The following TMEM132D variants were observed in gnomAD, a reference collection of about 807,000 sequenced individuals.
TMEM132D encodes the protein mature OL transmembrane protein.
A neutral mutation model predicts 62.3 loss-of-function variants in TMEM132D; 21 were observed. The ratio of observed to expected loss-of-function variants is 0.34; its 90% CI spans 0.24 to 0.49. The LOEUF is 0.49. Ranked by LOEUF, TMEM132D falls within the 20% of genes least tolerant of loss-of-function variation. The pLI is 0.99. For missense variants in TMEM132D, 1,346 were observed against 1,402.8 expected, an observed-to-expected ratio of 0.96 and a Z score of 0.65; for synonymous variants, 621 against 575.6, an observed-to-expected ratio of 1.08 and a Z score of -1.13.
rs1593249766 is a variant in TMEM132D at position 129,071,995 on chromosome 12, C to T, written c.*1880G>A. The T allele has an allele frequency of 6.6e-6, 1 of 152,102 alleles. No individual in the cohort carries two copies. Among genetic ancestry groups the T allele is most frequent in the Admixed American group, 6.5e-5 (1 of 15,278 alleles). 9.4% of individuals were successfully genotyped at this position (152,102 alleles called of 1,614,324 possible). On this transcript the variant is annotated 3_prime_UTR_variant, in exon 9 of 9. Coordinates refer to ENST00000422113, the MANE Select transcript of TMEM132D (RefSeq NM_133448.3). ...ACAGGAGCAGGTGACTTACTGGCTGCAGAAACCTCAGTCTCAAGAGCACCA... is the reference window on the plus strand; with the variant it reads ...ACAGGAGCAGGTGACTTACTGGCTGTAGAAACCTCAGTCTCAAGAGCACCA...
intron 4 of TMEM132D, among the ~76,000 whole-genome samples, chr12:129,227,659 T>C (rs1007002699): frequency 2.0e-5 from 3 of 151,932 alleles, no homozygotes; most frequent in African/African-American, 7.3e-5. Context: ...GCAGGTTTGT[T>C]ACATAGGTAT....
intron 1 of TMEM132D, among the ~76,000 whole-genome samples, chr12:129,807,859 T>G (rs1872044094): frequency 6.6e-6 from 1 of 152,190 alleles, no homozygotes; most frequent in South Asian, 2.1e-4. Flanking sequence ...ATTTGTGCTA[T>G]CTGAGATGGC....
chr12:129,707,594 C>T (rs1881537258), intron 1 of TMEM132D, among the ~76,000 whole-genome samples: 1 of 152,256 alleles, frequency 6.6e-6, no homozygotes, highest in South Asian at 2.1e-4. Flanking sequence ...GTCCCCAATA[C>T]TTTTGGAAAG....
intron 4 of TMEM132D, among the ~76,000 whole-genome samples, chr12:129,263,144 C>T (rs1325022110): frequency 6.6e-6 from 1 of 152,184 alleles, no homozygotes; most frequent in Non-Finnish European, 1.5e-5. Context: ...ACAGAGCAAT[C>T]TCTCTGGGTC....
At chr12:129,433,704 G>A (rs1194482046) in intron 3 of TMEM132D, among the ~76,000 whole-genome samples, 2 of 152,142 alleles carry the variant, frequency 1.3e-5, no homozygotes, top group Admixed American at 6.5e-5. Flanking sequence ...AGAAGACCCT[G>A]GGTCTCCAAG....
intron 3 of TMEM132D, among the ~76,000 whole-genome samples, chr12:129,352,817 T>A (rs924030363): frequency 1.3e-5 from 2 of 151,922 alleles, no homozygotes; most frequent in African/African-American, 4.8e-5. Context: ...TTGGTGGGAG[T>A]ATAAATTAGT....
chr12:129,675,941 C>G (rs1273621715), intron 2 of TMEM132D, among the ~76,000 whole-genome samples: 1 of 152,214 alleles, frequency 6.6e-6, no homozygotes, highest in Non-Finnish European at 1.5e-5. Context: ...CAAACTCGGG[C>G]TCTCTTAACA....
At chr12:129,859,644 A>G (rs1165391531) in intron 1 of TMEM132D, among the ~76,000 whole-genome samples, 1 of 152,172 alleles carries the variant, frequency 6.6e-6, no homozygotes, top group Non-Finnish European at 1.5e-5. Flanking sequence ...CGCGGCTAGA[A>G]AAAAGCAGGC....
intron 2 of TMEM132D, among the ~76,000 whole-genome samples, chr12:129,612,540 T>G (rs535778129): frequency 6.6e-6 from 1 of 152,340 alleles, no homozygotes; most frequent in South Asian, 2.1e-4. Context: ...GACTTACTCT[T>G]ACAGGCTTAA....
intron 3 of TMEM132D, among the ~76,000 whole-genome samples, chr12:129,450,146 C>G (rs1266167173): frequency 6.6e-6 from 1 of 152,112 alleles, no homozygotes; most frequent in Non-Finnish European, 1.5e-5. Context: ...CATTTTCTCC[C>G]ATTCTGTAGG....
chr12:129,770,291 A>G (rs1387337702), intron 1 of TMEM132D, among the ~76,000 whole-genome samples: 1 of 151,488 alleles, frequency 6.6e-6, no homozygotes, highest in Admixed American at 6.6e-5. Flanking sequence ...TTACAGGCAC[A>G]TGCCACCACA....
intron 3 of TMEM132D, among the ~76,000 whole-genome samples, chr12:129,357,069 A>T (rs1345772609): frequency 1.3e-5 from 2 of 150,956 alleles, no homozygotes; most frequent in Non-Finnish European, 2.9e-5. Context: ...ACACAGTGAA[A>T]CCCCGTCTCT....
chr12:129,814,211 G>A (rs1388630679), intron 1 of TMEM132D, among the ~76,000 whole-genome samples: 1 of 152,184 alleles, frequency 6.6e-6, no homozygotes, highest in Non-Finnish European at 1.5e-5. Context: ...CCAGGAAGGG[G>A]TGAGAAACTG....
chr12:129,178,302 G>A (rs568784309), intron 5 of TMEM132D, among the ~76,000 whole-genome samples: 5 of 152,226 alleles, frequency 3.3e-5, no homozygotes, highest in Admixed American at 6.5e-5. Flanking sequence ...TGGGATTGCT[G>A]GGTCAAATGG....
chr12:129,485,245 C>T (rs114305022), intron 3 of TMEM132D, among the ~76,000 whole-genome samples: 87 of 152,298 alleles, frequency 5.7e-4, no homozygotes, highest in Middle Eastern at 3.4e-3. Context: ...GACAACCCAA[C>T]AGGAGATGAG....
chr12:129,800,528 T>C (rs1436896979), intron 1 of TMEM132D, among the ~76,000 whole-genome samples: 2 of 152,130 alleles, frequency 1.3e-5, no homozygotes, highest in Non-Finnish European at 2.9e-5. Context: ...TGTGTCTCTA[T>C]TAGTGTTACA....
At chr12:129,316,626 G>C (rs1450624528) in intron 4 of TMEM132D, among the ~76,000 whole-genome samples, 2 of 152,142 alleles carry the variant, frequency 1.3e-5, no homozygotes, top group Non-Finnish European at 2.9e-5. Context: ...TTCTGCGGTT[G>C]TTGGGTGAGA....
chr12:129,297,293 C>T (rs1881602140), intron 4 of TMEM132D, among the ~76,000 whole-genome samples: 1 of 152,222 alleles, frequency 6.6e-6, no homozygotes, highest in African/African-American at 2.4e-5. Flanking sequence ...TTCTCTCATC[C>T]TGACCCCCAC....
At chr12:129,637,713 T>C (rs926530460) in intron 2 of TMEM132D, among the ~76,000 whole-genome samples, 3 of 152,308 alleles carry the variant, frequency 2.0e-5, no homozygotes, top group African/African-American at 4.8e-5. Context: ...GGAAGCATGA[T>C]GCTGGCATCT....
Sources: gnomAD v4.1 joint callset for allele counts (sites outside exome capture counted in the v4.1 genomes callset) on GRCh38, gnomAD v4.1.1 for gene constraint, MANE v1.5 for transcripts, NCBI Gene and HGNC (gene_info 2026-07-23, HGNC 2026-07-21) for gene names.